MICU2: variants seen among roughly 807,000 people sequenced by gnomAD.
MICU2 encodes mitochondrial calcium uptake 2.
Under a neutral mutation model 60.4 loss-of-function variants are expected in MICU2, and 64 were observed. That is an observed-to-expected ratio of 1.06 (90% CI 0.87 to 1.31). MICU2 has a LOEUF of 1.31. Ranked by LOEUF, MICU2 falls within the 50% of genes most tolerant of loss-of-function variation. The pLI, the probability that MICU2 is intolerant of heterozygous loss-of-function variation, is 0.00. For missense variants in MICU2, 569 were observed against 531.0 expected (o/e 1.07, Z -0.70); for synonymous variants, 201 against 175.0 (o/e 1.15, Z -1.17).
intron 1 of MICU2, among the ~76,000 whole-genome samples, chr13:21,593,032 G>A (rs1183965254): frequency 6.6e-6 from 1 of 152,210 alleles, no homozygotes; most frequent in East Asian, 1.9e-4. Context: ...TCAGGCAAGA[G>A]AAAGAAATAA....
chr13:21,544,529 A>AAG (rs1489613026), intron 2 of MICU2, among the ~76,000 whole-genome samples: 1 of 148,568 alleles, frequency 6.7e-6, no homozygotes, highest in Non-Finnish European at 1.5e-5. Context: ...AAAAAAAAAA[A>AAG]AAAAACTCAA....
intron 4 of MICU2, among the ~76,000 whole-genome samples, chr13:21,523,258 C>G (rs1207209842): frequency 6.6e-6 from 1 of 152,188 alleles, no homozygotes; most frequent in African/African-American, 2.4e-5. Context: ...CAATTCTTCA[C>G]AGCCAACCTC....
At chr13:21,577,714 A>C (rs1228206119) in intron 1 of MICU2, among the ~76,000 whole-genome samples, 1 of 150,984 alleles carries the variant, frequency 6.6e-6, no homozygotes, top group African/African-American at 2.4e-5. Context: ...CTGAGGTGGA[A>C]GAATTGCTTG....
intron 1 of MICU2, among the ~76,000 whole-genome samples, chr13:21,576,533 T>C (rs1244871650): frequency 2.0e-5 from 3 of 152,212 alleles, no homozygotes; most frequent in African/African-American, 7.2e-5. Flanking sequence ...TCTCTTCTTC[T>C]ATCCCTTCTT....
chr13:21,499,713 T>G (rs940251344), intron 9 of MICU2, among the ~76,000 whole-genome samples: 1 of 150,610 alleles, frequency 6.6e-6, no homozygotes, highest in Admixed American at 6.6e-5. Context: ...CCCAGCTGGG[T>G]CTCACGTTTC....
chr13:21,555,375 T>C (rs2138024773), intron 2 of MICU2, among the ~76,000 whole-genome samples: 1 of 152,090 alleles, frequency 6.6e-6, no homozygotes, highest in East Asian at 1.9e-4. Context: ...CATACGAAAA[T>C]CAATAAACGT....
Position 21,604,135 on chromosome 13 carries a change from G to T in MICU2, c.14C>A (p.Ala5Glu), listed in dbSNP as rs752724302. The change falls in exon 1 of 12, where the codon GCG (alanine) becomes GAG (glutamate). Residue 5 changes from alanine (A) to glutamate (E), a missense_variant. Coordinates refer to ENST00000382374, the MANE Select transcript of MICU2 (RefSeq NM_152726.3). ...GGCCGCCACCCGCGCGCAGCTACCC[G>T]CAGCCGCCGCCATCTTTGCGGAAGC... MAAA[A>E]GSCARVAAWG... The T allele has an allele frequency of 1.3e-6, 2 of 1,560,596 alleles. No individual in the cohort carries two copies. Among genetic ancestry groups the T allele is most frequent in the South Asian group, 1.2e-5 (1 of 85,516 alleles).
intron 4 of MICU2, among the ~76,000 whole-genome samples, chr13:21,528,466 T>C (rs1474134868): frequency 6.6e-6 from 1 of 152,212 alleles, no homozygotes; most frequent in Non-Finnish European, 1.5e-5. Flanking sequence ...CTCAAGATGT[T>C]TCCCTATTGC....
chr13:21,536,610 A>C (rs891976386), intron 4 of MICU2, among the ~76,000 whole-genome samples: 24 of 152,144 alleles, frequency 1.6e-4, no homozygotes, highest in African/African-American at 5.6e-4. Flanking sequence ...TGGGATTACA[A>C]GCGTGAGCTA....
At chr13:21,565,052 C>G (rs944243795) in intron 2 of MICU2, among the ~76,000 whole-genome samples, 2 of 152,200 alleles carry the variant, frequency 1.3e-5, no homozygotes, top group Non-Finnish European at 2.9e-5. Flanking sequence ...CCTCAATTCT[C>G]TGATGAATCT....
At chr13:21,559,841 A>G (rs1887797492) in intron 2 of MICU2, among the ~76,000 whole-genome samples, 1 of 152,168 alleles carries the variant, frequency 6.6e-6, no homozygotes. Context: ...AGTAGTTTCA[A>G]TTGGCATGTC....
intron 2 of MICU2, among the ~76,000 whole-genome samples, chr13:21,546,636 C>A (rs886555440): frequency 6.6e-6 from 1 of 152,110 alleles, no homozygotes; most frequent in Non-Finnish European, 1.5e-5. Context: ...AAGCTAAGTG[C>A]CAAGGCTAGT....
Position 21,604,137 on chromosome 13 carries a change from A to C in MICU2, c.12T>G (p.Ala4=). The C allele has an allele frequency of 2.6e-6, 4 of 1,559,836 alleles. No homozygotes were observed. The highest frequency in any genetic ancestry group is 2.4e-5 in the East Asian group (1 of 41,094). The part of the protein sequence containing the change: MAA[A]AGSCARVAAW... ...CCGCCACCCGCGCGCAGCTACCCGC[A>C]GCCGCCGCCATCTTTGCGGAAGCGC... The change falls in exon 1 of 12, where the codon GCT becomes GCG. Residue 4 remains alanine, a synonymous_variant. Coordinates refer to ENST00000382374, the MANE Select transcript of MICU2 (RefSeq NM_152726.3).
intron 2 of MICU2, among the ~76,000 whole-genome samples, chr13:21,544,967 T>C (rs977883081): frequency 6.6e-6 from 1 of 152,174 alleles, no homozygotes. Flanking sequence ...GGAACTCTTA[T>C]ACACTGTTGG....
intron 9 of MICU2, among the ~76,000 whole-genome samples, chr13:21,502,524 G>A (rs1886200465): frequency 6.6e-6 from 1 of 151,992 alleles, no homozygotes; most frequent in Admixed American, 6.6e-5. Context: ...AATTCTTATT[G>A]TTTCTACGGT....
At chr13:21,499,653 G>T (rs1357513965) in intron 9 of MICU2, among the ~76,000 whole-genome samples, 1 of 150,508 alleles carries the variant, frequency 6.6e-6, no homozygotes, top group Non-Finnish European at 1.5e-5. Context: ...CTCATGATCT[G>T]CCCGCCTCGG....
intron 2 of MICU2, among the ~76,000 whole-genome samples, chr13:21,540,801 A>C (rs1227258901): frequency 7.2e-5 from 11 of 152,154 alleles, no homozygotes; most frequent in Admixed American, 6.5e-4. Flanking sequence ...AGTATCAGAT[A>C]ATCAAATAGA....
intron 6 of MICU2, among the ~76,000 whole-genome samples, chr13:21,516,201 T>C (rs1002780710): frequency 6.6e-6 from 1 of 152,234 alleles, no homozygotes; most frequent in Non-Finnish European, 1.5e-5. Flanking sequence ...TCTTTGTGTC[T>C]CTTCCCAGTC....
intron 1 of MICU2, among the ~76,000 whole-genome samples, chr13:21,579,810 A>C (rs1888308053): frequency 6.6e-6 from 1 of 152,186 alleles, no homozygotes; most frequent in Non-Finnish European, 1.5e-5. Context: ...AATAAAATAC[A>C]TCATTAACTG....
Sources: gnomAD v4.1 joint callset for allele counts (sites outside exome capture counted in the v4.1 genomes callset) on GRCh38, gnomAD v4.1.1 for gene constraint, MANE v1.5 for transcripts, NCBI Gene and HGNC (gene_info 2026-07-23, HGNC 2026-07-21) for gene names.